Variants in FOXN3 observed in about 807,000 individuals in gnomAD.
FOXN3 encodes forkhead box protein N3.
FOXN3 carries 7 observed loss-of-function variants against 38.4 expected under a neutral mutation model. The ratio of observed to expected loss-of-function variants is 0.18; its 90% confidence interval spans 0.10 to 0.34. The LOEUF is 0.34. Among genes scored for constraint, FOXN3 ranks in the 10% least tolerant of loss-of-function variants. The pLI, the probability that FOXN3 is intolerant of heterozygous loss-of-function variation, is 1.00. For missense variants in FOXN3, 456 were observed against 613.4 expected (o/e 0.74, Z 2.71); for synonymous variants, 230 against 242.2 (o/e 0.95, Z 0.47).
intron 4 of FOXN3, among the ~76,000 whole-genome samples, chr14:89,195,330 G>A (rs1472000342): frequency 6.6e-6 from 1 of 152,104 alleles, no homozygotes; most frequent in Admixed American, 6.5e-5. Flanking sequence ...TACCTTAGGT[G>A]ATGTGCTACT....
chr14:89,616,196 ACGG>A (rs1896489083), intron 1 of FOXN3, among the ~76,000 whole-genome samples: 3 of 151,070 alleles, frequency 2.0e-5, no homozygotes, highest in Non-Finnish European at 4.4e-5. Context: ...AGCAAAATGA[ACGG>A]GGTTGGGGGT....
intron 4 of FOXN3, among the ~76,000 whole-genome samples, chr14:89,199,720 T>C (rs762068317): frequency 6.6e-6 from 1 of 152,040 alleles, no homozygotes; most frequent in South Asian, 2.1e-4. Context: ...CTGGCCAACA[T>C]GGTGAAATCC....
chr14:89,296,335 G>A (rs1184187809), intron 3 of FOXN3, among the ~76,000 whole-genome samples: 1 of 152,166 alleles, frequency 6.6e-6, no homozygotes, highest in Non-Finnish European at 1.5e-5. Flanking sequence ...TACATTATTT[G>A]CATGATATAT....
intron 4 of FOXN3, among the ~76,000 whole-genome samples, chr14:89,219,783 C>T (rs1884405119): frequency 6.6e-6 from 1 of 152,220 alleles, no homozygotes; most frequent in Non-Finnish European, 1.5e-5. Flanking sequence ...ATGTTAGCTA[C>T]TATTACAGTT....
chr14:89,502,366 T>C (rs754776466), intron 1 of FOXN3, among the ~76,000 whole-genome samples: 6 of 151,984 alleles, frequency 3.9e-5, no homozygotes, highest in Non-Finnish European at 8.8e-5. Context: ...TATTTTATTT[T>C]AAAAAAAATA....
At chr14:89,291,148 CG>C in intron 3 of FOXN3, 1 of 502,710 alleles carries the variant, frequency 2.0e-6, no homozygotes, top group Non-Finnish European at 4.0e-6. Context: ...ATCTCGTTGA[CG>C]TAAGTACCCA....
At chr14:89,520,009 CTTTTTTTCTTTTTT>C (rs1397893741) in intron 1 of FOXN3, among the ~76,000 whole-genome samples, 2 of 144,612 alleles carry the variant, frequency 1.4e-5, no homozygotes, top group Non-Finnish European at 3.0e-5. Flanking sequence ...TTCTTTTTTT[CTTTTTTTCTTTTTT>C]TTTTTTTTGA....
At chr14:89,349,987 T>C (rs1216300758) in intron 3 of FOXN3, among the ~76,000 whole-genome samples, 1 of 152,188 alleles carries the variant, frequency 6.6e-6, no homozygotes, top group Admixed American at 6.5e-5. Flanking sequence ...TTCATAAAAA[T>C]TGATCTTAAA....
intron 4 of FOXN3, among the ~76,000 whole-genome samples, chr14:89,252,706 G>A (rs535320860): frequency 8.6e-5 from 13 of 151,988 alleles, no homozygotes; most frequent in Non-Finnish European, 1.8e-4. Context: ...TCTCGAAGAG[G>A]TGTGTGAAGA....
intron 1 of FOXN3, among the ~76,000 whole-genome samples, chr14:89,449,305 A>G (rs1892570090): frequency 6.6e-6 from 1 of 152,204 alleles, no homozygotes; most frequent in Admixed American, 6.6e-5. Context: ...TTAAAAGTCC[A>G]TATGGCTCTT....
intron 2 of FOXN3, among the ~76,000 whole-genome samples, chr14:89,366,282 T>C (rs550269085): frequency 6.6e-6 from 1 of 151,954 alleles, no homozygotes; most frequent in South Asian, 2.1e-4. Context: ...AACTTTATTA[T>C]AGAAAAAAAC....
At chr14:89,174,424 A>T (rs927226860) in intron 5 of FOXN3, among the ~76,000 whole-genome samples, 1 of 152,182 alleles carries the variant, frequency 6.6e-6, no homozygotes, top group Non-Finnish European at 1.5e-5. Flanking sequence ...TGAGCTGCAA[A>T]CTGCTCCCCT....
At chr14:89,165,110 G>A (rs1254979895) in intron 5 of FOXN3, among the ~76,000 whole-genome samples, 2 of 152,120 alleles carry the variant, frequency 1.3e-5, no homozygotes, top group Non-Finnish European at 2.9e-5. Flanking sequence ...ATTTGTACAC[G>A]GAAGTCCCAG....
intron 3 of FOXN3, among the ~76,000 whole-genome samples, chr14:89,342,738 C>T (rs1024495312): frequency 4.6e-5 from 7 of 152,170 alleles, no homozygotes; most frequent in African/African-American, 1.7e-4. Context: ...CACCATGAAG[C>T]TTCATATTGA....
In FOXN3 at chr14:89,200,678, G is replaced by A. The variant is rs112221809; in HGVS notation, c.746-19872C>T. Among the ~76,000 whole-genome samples the A allele has an allele frequency of 8.7e-3, 1,328 of 152,258 alleles. 14 individuals carry two copies. Among genetic ancestry groups the A allele is most frequent in the South Asian group, 0.032 (156 of 4,816 alleles). On this transcript the variant is annotated intron_variant, in intron 4 of 5. Coordinates refer to ENST00000557258, the MANE Select transcript of FOXN3 (RefSeq NM_005197.4). ...GTCCCTTAATTCTAACGTCCTTTTC[G>A]CCTCAGCAGCGAGGTCTGCGTCACA...
rs187744877 is a variant in FOXN3 at position 89,411,901 on chromosome 14, A to G, written c.543+33T>C. ...AAAATTTTAAATTAAAAAAAAAAAAAGAAAACCTTGGGTTCCAGACACAGA... is the reference window on the plus strand; with the variant it reads ...AAAATTTTAAATTAAAAAAAAAAAAGGAAAACCTTGGGTTCCAGACACAGA... On this transcript the variant is annotated intron_variant, in intron 2 of 5. Transcript: ENST00000557258. 8.5e-6 allele frequency: 11 copies of G among 1,286,972 alleles called. No individual in the cohort carries two copies. In the African/African-American group the frequency reaches 1.4e-4, roughly 16 times the overall value. The allele number at this position is 1,286,972 out of a possible 1,614,324, so 79.7% of individuals were successfully genotyped here. A position where few individuals can be genotyped will look rare whatever the true frequency, so the allele number is the denominator to read the frequency against.
intron 1 of FOXN3, among the ~76,000 whole-genome samples, chr14:89,465,428 AC>A (rs1892959706): frequency 6.6e-6 from 1 of 151,836 alleles, no homozygotes; most frequent in Admixed American, 6.6e-5. Context: ...CGGGTTTTCA[AC>A]ACATTGGGTA....
chr14:89,452,588 G>A (rs1847806518), intron 1 of FOXN3, among the ~76,000 whole-genome samples: 1 of 152,154 alleles, frequency 6.6e-6, no homozygotes, highest in Admixed American at 6.5e-5. Context: ...CTTAAAATAG[G>A]CCACCTTCAA....
In FOXN3 at chr14:89,453,599, T is replaced by C. The variant is rs147601446; in HGVS notation, c.-14-41109A>G. On this transcript the variant is annotated intron_variant, in intron 1 of 6. Coordinates refer to the FOXN3 transcript ENST00000345097. ...AAAAAAGCTGCAGCTTATTTCAAAA[T>C]TTCCTATGTACCCCATAAATATGTA... is the stretch of plus-strand genomic sequence containing the variant. Among the ~76,000 whole-genome samples the C allele has an allele frequency of 7.6e-3, 1,105 of 144,976 alleles. 10 individuals carry two copies. The highest frequency in any genetic ancestry group is 0.027 in the African/African-American group (1,058 of 39,130).
Sources: gnomAD v4.1 joint callset for allele counts (sites outside exome capture counted in the v4.1 genomes callset) on GRCh38, gnomAD v4.1.1 for gene constraint, MANE v1.5 for transcripts, NCBI Gene and HGNC (gene_info 2026-07-23, HGNC 2026-07-21) for gene names.